Variants in TOP3B observed in about 807,000 individuals in gnomAD.
TOP3B encodes the protein DNA topoisomerase III beta, also known as DNA topoisomerase 3-beta-1.
A neutral mutation model predicts 93.9 loss-of-function variants in TOP3B; 45 were observed. The ratio of observed to expected loss-of-function variants is 0.48; its 90% CI spans 0.38 to 0.61. The LOEUF is 0.61. Ranked by LOEUF, TOP3B falls within the 20% of genes least tolerant of loss-of-function variation. The pLI, the probability that TOP3B is intolerant of heterozygous loss-of-function variation, is 0.00. For synonymous variants in TOP3B, 357 were observed against 472.6 expected, an observed-to-expected ratio of 0.76 and a Z score of 3.17; for missense variants, 750 against 1,156.1, an observed-to-expected ratio of 0.65 and a Z score of 5.09.
rs149595134 is a variant in TOP3B, at chr22:21,964,195, C to T, written c.1064G>A (p.Arg355Gln). The change falls in exon 10 of 18, where the codon CGG becomes CAG. Residue 355 changes from arginine to glutamine, a missense_variant. By Grantham distance (43) the Arg-to-Gln change is conservative. Around this residue, in one of 4 missense-constraint regions of TOP3B, gnomAD observed 737 missense variants for 933.7 expected, o/e 0.79. Transcript: ENST00000357179. Reference protein sequence around the residue: ...PENFDLKGSLRQQANHPYWAD... With the variant: ...PENFDLKGSLQQQANHPYWAD... ...CCAGTAGGGGTGGTTGGCCTGCTGC[C>T]GCAGAGAGCCCTTCAGGTCAAAGTT... The T allele has an allele frequency of 7.3e-5, 118 of 1,614,020 alleles. No individual in the cohort carries two copies. In the Admixed American group the frequency reaches 8.2e-4, roughly 11 times the overall value.
intron 11 of TOP3B, 84 bp from the exon 12 acceptor site, chr22:21,962,977 A>AAGCTCCTGCTTACAGAGCCGCT: frequency 6.5e-7 from 1 of 1,532,660 alleles, no homozygotes; most frequent in Non-Finnish European, 8.9e-7. Context: ...CTCGAGCAGC[A>AAGCTCCTGCTTACAGAGCCGCT]AGCTCCTGCT....
chr22:21,965,459 GT>G, intron 8 of TOP3B, 84 bp from the exon 9 acceptor site: 1 of 797,610 alleles, frequency 1.3e-6, no homozygotes. Flanking sequence ...GAAGGGTCTG[GT>G]TTCATTCATC....
rs924558021 is a variant in TOP3B at position 21,972,856 on chromosome 22, G to T, written c.203-138C>A. 7.0e-6 allele frequency: 5 copies of T among 709,452 alleles called. No homozygotes were observed. The African/African-American group carries it at 8.9e-5, about 13-fold the overall frequency. The allele number at this position is 709,452 out of a possible 1,614,324, so 43.9% of individuals were successfully genotyped here. On this transcript the variant is annotated intron_variant, in intron 3 of 17. Coordinates refer to ENST00000357179, the MANE Select transcript of TOP3B (RefSeq NM_001282112.2). Reference sequence around the variant, plus strand: ...ACAATTTGCCCAGGGTCATCCTGATGATCAGAGGCAGAGCCAGGATGTGGG... The same window carrying T: ...ACAATTTGCCCAGGGTCATCCTGATTATCAGAGGCAGAGCCAGGATGTGGG...
intron 16 of TOP3B, 79 bp from the exon 17 acceptor site, chr22:21,958,772 C>T: frequency 6.8e-7 from 1 of 1,474,468 alleles, no homozygotes; most frequent in Non-Finnish European, 9.0e-7. Flanking sequence ...TCTCATAATA[C>T]AAAGTATGTA....
chr22:21,968,541 CTGA>C (rs2071504103), intron 7 of TOP3B, 75 bp downstream of exon 7: 5 of 1,576,468 alleles, frequency 3.2e-6, no homozygotes, highest in East Asian at 2.2e-5. Context: ...GGCCTGCCGG[CTGA>C]TGATGATGGA....
At chr22:21,978,343 C>T (rs369574531) in intron 1 of TOP3B, among the ~76,000 whole-genome samples, 16 of 152,084 alleles carry the variant, frequency 1.1e-4, no homozygotes, top group East Asian at 5.8e-4. Flanking sequence ...CTTTGGGAGG[C>T]GAAGGCAAGA....
chr22:21,962,256 C>T, intron 13 of TOP3B, 173 bp downstream of exon 13: 2 of 1,566,030 alleles, frequency 1.3e-6, no homozygotes, highest in Non-Finnish European at 1.7e-6. Context: ...GGAGGGGATG[C>T]CCGCTGTGGA....
At position 21,963,914 on chromosome 22, in the gene TOP3B, G is replaced by C; in HGVS notation, c.1204+9C>G. On this transcript the variant is annotated intron_variant, in intron 11 of 17. Transcript: ENST00000357179. This position sits in a 1 kb window ranked among gnomAD's most constrained non-coding sequence, Gnocchi z 4.8. ...TGGAAGCACACCGGGTATGGGATGA[G>C]AGCGGTACCTAATTCGGCCTCTGTG... The C allele has an allele frequency of 1.2e-6, 2 of 1,613,108 alleles. No individual in the cohort carries two copies. The highest frequency in any genetic ancestry group is 1.7e-6 in the Non-Finnish European group (2 of 1,179,692).
rs757291118 is a variant in TOP3B, at chr22:21,971,460, CAGG to C, written c.384+414_384+416del. On this transcript the variant is annotated intron_variant, in intron 5 of 17. Transcript: ENST00000357179. The surrounding 1 kb of genome is among the most constrained non-coding windows in gnomAD (Gnocchi z 4.6). ...GAGGCAGGAGGCATCCTGGATGAGG[CAGG>C]AGATGAGCAGAGCGAGGCCTGCAAA... is the stretch of plus-strand genomic sequence containing the variant. The C allele has an allele frequency of 3.1e-6, 1 of 324,286 alleles. No homozygotes were observed. Among genetic ancestry groups the C allele is most frequent in the Non-Finnish European group, 6.0e-6 (1 of 165,852 alleles). The allele number at this position is 324,286 out of a possible 1,614,324, so 20.1% of individuals were successfully genotyped here. A position where few individuals can be genotyped will look rare whatever the true frequency, so the allele number is the denominator to read the frequency against.
Position 21,962,751 on chromosome 22 carries a change from T to C in TOP3B, c.1347A>G (p.Ser449=). ...LFTCSGKTVL[S]PGFTEVMPWQ... ...AGGCTGGGCCCGTGGTGTGACCTGG[T>C]GAGAGGACGGTCTTCCCGGAGCAGG... Residue 449 remains serine (S), a synonymous_variant, in exon 12 of 18, where the codon TCA becomes TCG. Coordinates refer to ENST00000357179, the MANE Select transcript of TOP3B (RefSeq NM_001282112.2). The C allele has an allele frequency of 1.2e-6, 2 of 1,614,104 alleles. No individual in the cohort carries two copies. The highest frequency in any genetic ancestry group is 1.7e-6 in the Non-Finnish European group (2 of 1,180,004).
At chr22:21,980,189 C>T (rs2084599516) in intron 1 of TOP3B, among the ~76,000 whole-genome samples, 1 of 152,150 alleles carries the variant, frequency 6.6e-6, no homozygotes, top group Admixed American at 6.5e-5. Context: ...AACAAACAGT[C>T]CAAGCAATCA....
At chr22:21,978,728 CAG>C (rs59248941) in intron 1 of TOP3B, among the ~76,000 whole-genome samples, 22,754 of 152,154 alleles carry the variant, frequency 0.15, 1,843 homozygotes, top group Middle Eastern at 0.18. Context: ...GTCTGGCAAA[CAG>C]AGCCCTGGGT....
intron 8 of TOP3B, 29 bp downstream of exon 8, chr22:21,967,574 T>C: frequency 1.9e-6 from 3 of 1,593,110 alleles, no homozygotes; most frequent in Non-Finnish European, 1.7e-6. Flanking sequence ...CCAAGGCAAC[T>C]GTGATAGATG....
intron 7 of TOP3B, 138 bp from the exon 8 acceptor site, chr22:21,967,854 C>T (rs2071474754): frequency 3.0e-6 from 2 of 655,996 alleles, no homozygotes; most frequent in Non-Finnish European, 5.4e-6. Context: ...CACAGCTGTA[C>T]CTGTTCAGGT....
In TOP3B at chr22:21,970,085, G is replaced by A; in HGVS notation, c.581+125C>T. 1.8e-6 allele frequency: 2 copies of A among 1,082,154 alleles called. No individual in the cohort carries two copies. The highest frequency in any genetic ancestry group is 2.6e-6 in the Non-Finnish European group (2 of 759,288). 67.0% of individuals were successfully genotyped at this position (1,082,154 alleles called of 1,614,324 possible). The stretch of plus-strand genomic sequence containing the variant: ...GTGCCTGGCCTTCTTCAGGGTTGGT[G>A]AAATCCCCTGTTGCTCATCCTGGCT... On this transcript the variant is annotated intron_variant, in intron 6 of 17. Coordinates refer to ENST00000357179, the MANE Select transcript of TOP3B (RefSeq NM_001282112.2). This position sits in a 1 kb window ranked among gnomAD's most constrained non-coding sequence, Gnocchi z 4.4.
chr22:21,973,307 C>G (rs532639251), intron 3 of TOP3B: 3 of 160,746 alleles, frequency 1.9e-5, no homozygotes, highest in Non-Finnish European at 2.7e-5. Flanking sequence ...ACAGGGGTCT[C>G]GCTCTATCAC....
intron 1 of TOP3B, among the ~76,000 whole-genome samples, chr22:21,979,215 G>T (rs1332820309): frequency 6.6e-6 from 1 of 152,040 alleles, no homozygotes; most frequent in African/African-American, 2.4e-5. Context: ...CTCTGAGTTG[G>T]GTGAAGAGGG....
Position 21,971,946 on chromosome 22 carries a change from C to T in TOP3B, c.315G>A (p.Glu105=), listed in dbSNP as rs765530582. 19 of 1,612,578 alleles carry T rather than the reference C, an allele frequency of 1.2e-5. No homozygotes were observed. Among genetic ancestry groups the T allele is most frequent in the Non-Finnish European group, 1.6e-5 (19 of 1,179,630 alleles). Residue 105 remains glutamate (E), a synonymous_variant, in exon 5 of 18, where the codon GAG becomes GAA. Coordinates refer to ENST00000357179, the MANE Select transcript of TOP3B (RefSeq NM_001282112.2). This position sits in a 1 kb window ranked among gnomAD's most constrained non-coding sequence, Gnocchi z 4.6. ...GCACGATGTAGTCGCAGCCTCTGCCCTCCACCTGCCACACAGCACAGGTTC... is the reference window on the plus strand; with the variant it reads ...GCACGATGTAGTCGCAGCCTCTGCCTTCCACCTGCCACACAGCACAGGTTC... The part of the protein sequence containing the change: ...KLNMVKFLQV[E]GRGCDYIVLW...
chr22:21,971,469 A>C lies in TOP3B; in HGVS notation c.384+408T>G, dbSNP rs1047579021. On this transcript the variant is annotated intron_variant, in intron 5 of 17. Transcript: ENST00000357179. The surrounding 1 kb of genome is among the most constrained non-coding windows in gnomAD (Gnocchi z 4.6). ...GGCATCCTGGATGAGGCAGGAGATG[A>C]GCAGAGCGAGGCCTGCAAAAGGAGC... 3.0e-6 allele frequency: 1 copy of C among 329,818 alleles called. No homozygotes were observed. The highest frequency in any genetic ancestry group is 2.2e-5 in the African/African-American group (1 of 46,172). 20.4% of individuals were successfully genotyped at this position (329,818 alleles called of 1,614,324 possible).
Sources: gnomAD v4.1 joint callset for allele counts (sites outside exome capture counted in the v4.1 genomes callset) on GRCh38, gnomAD v4.1.1 for gene constraint, gnomAD v4.1.1 regional missense constraint, Gnocchi (gnomAD v3.1) non-coding constraint, MANE v1.5 for transcripts, NCBI Gene and HGNC (gene_info 2026-07-23, HGNC 2026-07-21) for gene names.